The following ATAD3B variants were observed in gnomAD, a reference collection of about 807,000 sequenced individuals.
ATAD3B encodes the protein ATPase family AAA domain-containing protein 3B.
ATAD3B carries 59 observed loss-of-function variants against 70.2 expected under a neutral mutation model. That is an observed-to-expected ratio of 0.84 (90% CI 0.68 to 1.04). The LOEUF (loss-of-function observed/expected upper bound fraction) is 1.04. ATAD3B is among the 50% of genes least tolerant of loss of function. ATAD3B has a pLI of 0.00. For missense variants in ATAD3B, 961 were observed against 913.4 expected (o/e 1.05, Z -0.67); for synonymous variants, 423 against 388.6 (o/e 1.09, Z -1.04).
rs1639953993 is a variant in ATAD3B, at chr1:1,482,255, T to G, written c.632T>G (p.Ile211Ser). 6.2e-6 allele frequency: 10 copies of G among 1,611,456 alleles called. No homozygotes were observed. The highest frequency in any genetic ancestry group is 8.5e-6 in the Non-Finnish European group (10 of 1,179,350). The change falls in exon 6 of 16, where the codon ATC becomes AGC. Residue 211 changes from isoleucine to serine, a missense_variant. Ile to Ser is a moderately radical substitution (Grantham distance 142). Around this residue, in one of 4 missense-constraint regions of ATAD3B, gnomAD observed 349 missense variants for 307.5 expected, o/e 1.14. Coordinates refer to ENST00000673477, the MANE Select transcript of ATAD3B (RefSeq NM_031921.6). ...AATGCAGACATCATCCGCGAGCAGA[T>G]CCGCCTGAAGGCGTCCGAGCACCGT... Reference protein sequence around the residue: ...RENADIIREQIRLKASEHRQT... With the variant: ...RENADIIREQSRLKASEHRQT...
chr1:1,509,433 A>T, the ATAD3B span: 5 of 1,598,382 alleles, frequency 3.1e-6, no homozygotes, highest in Non-Finnish European at 2.6e-6. Context: ...CATTTAGGAA[A>T]TACTCCCCGT....
chr1:1,495,581 T>C lies in ATAD3B; in HGVS notation c.1711T>C (p.Trp571Arg). The change falls in exon 16 of 16, where the codon TGG becomes CGG. Residue 571 changes from tryptophan to arginine, a missense_variant. Coordinates refer to ENST00000673477, the MANE Select transcript of ATAD3B (RefSeq NM_031921.6). ...CCAGCAGTACCGACAGAAGATGCGC[T>C]GGCTGAAGGCGGAGGGGCCTGGGCG... ...AVQQYRQKMRWLKAEGPGRGV... is the reference protein window; with the variant it reads ...AVQQYRQKMRRLKAEGPGRGV... 1 of 1,613,252 alleles carries C rather than the reference T, an allele frequency of 6.2e-7. No individual in the cohort carries two copies. The highest frequency in any genetic ancestry group is 2.2e-5 in the East Asian group (1 of 44,872).
chr1:1,473,514 T>C (rs1360682203), intron 1 of ATAD3B, among the ~76,000 whole-genome samples: 4 of 142,588 alleles, frequency 2.8e-5, no homozygotes, highest in Non-Finnish European at 4.6e-5. Context: ...TTTTTTTTTT[T>C]AAGATGATGT....
chr1:1,482,430 C>T, intron 6 of ATAD3B, 115 bp from the exon 7 acceptor site: 1 of 1,591,100 alleles, frequency 6.3e-7, no homozygotes, highest in East Asian at 2.3e-5. Context: ...GGGGGCACTG[C>T]CCCTCTGTCC....
rs750414819 is a variant in ATAD3B at position 1,480,869 on chromosome 1, A to C, written c.447A>C (p.Gln149His). 6.3e-7 allele frequency: 1 copy of C among 1,594,334 alleles called. No homozygotes were observed. Among genetic ancestry groups the C allele is most frequent in the African/African-American group, 1.4e-5 (1 of 71,860 alleles). ...CTTTTTCTGCGGCTTCTTCTCAGCA[A>C]CTTCTCAATGAGGAGAATTTACGGA... The part of the protein sequence containing the change: ...QRYEDQLKQQ[Q>H]LLNEENLRKQ... The change falls in exon 5 of 16, where the codon CAA becomes CAC. Residue 149 changes from glutamine to histidine, a missense_variant and splice_region_variant. By Grantham distance (24) the Gln-to-His change is conservative. Transcript: ENST00000673477.
In ATAD3B at chr1:1,482,172, G is replaced by T. The variant is rs748908531; in HGVS notation, c.549G>T (p.Lys183Asn). ...TVEREMELRHKNEMLRVETEA... is the reference protein window; with the variant it reads ...TVEREMELRHNNEMLRVETEA... ...AGCGGGAGATGGAGCTGCGGCACAA[G>T]AATGAGATGCTGCGAGTGGAGACCG... is the stretch of plus-strand genomic sequence containing the variant. The change falls in exon 6 of 16, where the codon AAG (lysine) becomes AAT (asparagine). Residue 183 changes from lysine (K) to asparagine (N), a missense_variant. Physicochemically the swap from Lys to Asn is moderately conservative, Grantham distance 94. Transcript: ENST00000673477. The T allele has an allele frequency of 6.2e-6, 10 of 1,610,654 alleles. No homozygotes were observed. The highest frequency in any genetic ancestry group is 8.5e-6 in the Non-Finnish European group (10 of 1,179,154).
At chr1:1,483,046 G>C (rs991754583) in intron 7 of ATAD3B, 38 of 455,708 alleles carry the variant, frequency 8.3e-5, no homozygotes, top group Admixed American at 4.0e-4. Flanking sequence ...TGTAATCCCA[G>C]CATTTTCGGA....
intron 1 of ATAD3B, among the ~76,000 whole-genome samples, chr1:1,473,026 T>C (rs563839633): frequency 1.7e-4 from 25 of 151,130 alleles, no homozygotes; most frequent in South Asian, 8.4e-4. Context: ...GGTTTCACCA[T>C]GTTGGCCAGG....
intron 15 of ATAD3B, among the ~76,000 whole-genome samples, chr1:1,494,512 C>A (rs1056816552): frequency 2.6e-5 from 4 of 151,494 alleles, no homozygotes; most frequent in African/African-American, 9.7e-5. Flanking sequence ...GTCTCCTGCG[C>A]TCCCGGGCCC....
chr1:1,477,387 C>T (rs760534851), intron 2 of ATAD3B, 37 bp downstream of exon 2: 1 of 1,611,264 alleles, frequency 6.2e-7, no homozygotes, highest in South Asian at 1.1e-5. Context: ...GGCCGGGGCG[C>T]ACATGGGGTT....
At chr1:1,490,230 G>GT (rs775216620) in intron 13 of ATAD3B, 27 bp from the exon 14 acceptor site, 2 of 1,603,004 alleles carry the variant, frequency 1.2e-6, no homozygotes, top group African/African-American at 2.7e-5. Context: ...CAGCCCCAGC[G>GT]TTTCCTTCCC....
chr1:1,496,027 G>GA lies in ATAD3B; in HGVS notation c.*211dup, dbSNP rs1432078247. On this transcript the variant is annotated 3_prime_UTR_variant, in exon 16 of 16. Transcript: ENST00000673477. ...CTCGGCTCCCACAGCAGAGCCAGGT[G>GA]AGGGGGGGCCTGCCAGGACTAGACA... 28 of 1,336,916 alleles carry GA rather than the reference G, an allele frequency of 2.1e-5. No homozygotes were observed. Among genetic ancestry groups the GA allele is most frequent in the Non-Finnish European group, 2.6e-5 (27 of 1,045,150 alleles). The allele number at this position is 1,336,916 out of a possible 1,614,324, so 82.8% of individuals were successfully genotyped here.
chr1:1,477,824 G>T (rs978518234), intron 2 of ATAD3B, among the ~76,000 whole-genome samples: 1 of 151,378 alleles, frequency 6.6e-6, no homozygotes, highest in Non-Finnish European at 1.5e-5. Context: ...ATCTGCCTCA[G>T]CCTCTGGAGT....
At chr1:1,492,634 A>G (rs1366679494) in intron 15 of ATAD3B, among the ~76,000 whole-genome samples, 1 of 151,878 alleles carries the variant, frequency 6.6e-6, no homozygotes, top group Non-Finnish European at 1.5e-5. Context: ...ACCTCTACTA[A>G]AAATACAAAA....
rs111957441 is a variant in ATAD3B, at chr1:1,489,782, C to G, written c.1338-475C>G. The G allele has an allele frequency of 5.1e-3, 6,661 of 1,296,700 alleles. 311 individuals carry two copies. The African/African-American group carries it at 0.089, about 17-fold the overall frequency. 80.3% of individuals were successfully genotyped at this position (1,296,700 alleles called of 1,614,324 possible). On this transcript the variant is annotated intron_variant, in intron 13 of 15. Coordinates refer to ENST00000673477, the MANE Select transcript of ATAD3B (RefSeq NM_031921.6). ...GTTGGGCTCCTGGGTCAGCTGCTGC[C>G]GTTCGACGCTCCCTGGAGCCCTGAC... is the stretch of plus-strand genomic sequence containing the variant.
rs3813214 is a variant in ATAD3B at position 1,485,177 on chromosome 1, G to A, written c.906+6G>A. The A allele has an allele frequency of 5.3e-4, 851 of 1,609,664 alleles. 2 individuals carry two copies. Among genetic ancestry groups the A allele is most frequent in the Admixed American group, 1.5e-3 (89 of 59,824 alleles). ...CGCTGCGGCACCCCATCCAGGTAGC[G>A]GCGCAGGCCTGGCCCTCCCTGAGTG... On this transcript the variant is annotated splice_donor_region_variant and intron_variant, in intron 8 of 15. Coordinates refer to ENST00000673477, the MANE Select transcript of ATAD3B (RefSeq NM_031921.6).
At chr1:1,489,685 C>A in intron 13 of ATAD3B, 2 of 1,318,086 alleles carry the variant, frequency 1.5e-6, no homozygotes, top group South Asian at 1.2e-5. Context: ...CTCCTGGGCC[C>A]CTCCAGCCCC....
intron 1 of ATAD3B, among the ~76,000 whole-genome samples, chr1:1,476,541 T>C (rs969253815): frequency 2.0e-5 from 3 of 151,730 alleles, no homozygotes; most frequent in Admixed American, 1.3e-4. Flanking sequence ...GACGGACTCT[T>C]GCTGTCTCCC....
chr1:1,476,897 C>A (rs1234276940), intron 1 of ATAD3B, among the ~76,000 whole-genome samples: 9 of 151,992 alleles, frequency 5.9e-5, no homozygotes, highest in African/African-American at 2.2e-4. Flanking sequence ...AGCTCTGCCT[C>A]CCAGGTTCCA....
Sources: allele counts gnomAD v4.1 joint callset (sites outside exome capture counted in the v4.1 genomes callset), GRCh38; gene constraint gnomAD v4.1.1; regional missense constraint gnomAD v4.1.1; transcripts MANE v1.5; gene names NCBI Gene and HGNC (gene_info 2026-07-23, HGNC 2026-07-21).